Variants in THSD4 observed in about 807,000 individuals in gnomAD.
THSD4 encodes the protein thrombospondin type-1 domain-containing protein 4.
In THSD4, 69 loss-of-function variants were observed where a neutral mutation model predicts 119.0. That is an observed-to-expected ratio of 0.58 (90% CI 0.48 to 0.71). THSD4 has a LOEUF of 0.71. Among genes scored for constraint, THSD4 ranks in the 30% least tolerant of loss-of-function variants. The probability of loss-of-function intolerance (pLI) is 0.00; values close to 1 mark genes in which losing one functional copy is unlikely to be tolerated. For missense variants in THSD4, 1,393 were observed against 1,391.1 expected (o/e 1.00, Z -0.02); for synonymous variants, 524 against 540.4 (o/e 0.97, Z 0.42).
rs71154766 is a variant in THSD4 at position 71,389,465 on chromosome 15, C to CTTT, written c.1016-22210_1016-22208dup. 1.0e-3 allele frequency among the ~76,000 whole-genome samples: 148 copies of CTTT among 143,838 alleles called. 1 individual carries two copies. The highest frequency in any genetic ancestry group is 6.0e-3 in the South Asian group (27 of 4,494). The allele number at this position is 143,838 out of a possible 152,430, so 94.4% of individuals were successfully genotyped here. ...GTTGTAGCACGTGTCAGAATTTCCT[C>CTTT]TTTTTTTTTTTTTTAAGGCTGAATG... is the stretch of plus-strand genomic sequence containing the variant. On this transcript the variant is annotated intron_variant, in intron 6 of 17. Coordinates refer to ENST00000261862, the MANE Select transcript of THSD4 (RefSeq NM_024817.3).
intron 7 of THSD4, among the ~76,000 whole-genome samples, chr15:71,551,661 C>T (rs1209318525): frequency 6.6e-6 from 1 of 151,774 alleles, no homozygotes; most frequent in Non-Finnish European, 1.5e-5. Flanking sequence ...TTTTTTTTCC[C>T]AGGGAAGGCA....
At chr15:71,731,883 C>A (rs189388209) in intron 10 of THSD4, 1 of 152,384 alleles carries the variant, frequency 6.6e-6, no homozygotes, top group Admixed American at 6.5e-5. Context: ...GTCATCAGGG[C>A]CCCTCTCTCT....
intron 3 of THSD4, chr15:71,187,175 G>A (rs1269756322): frequency 1.3e-5 from 2 of 152,634 alleles, no homozygotes; most frequent in Non-Finnish European, 2.9e-5. Context: ...ATTGAATGGC[G>A]GGAGGGTGAT....
At chr15:71,339,318 C>T (rs547449592) in intron 6 of THSD4, among the ~76,000 whole-genome samples, 4 of 152,192 alleles carry the variant, frequency 2.6e-5, no homozygotes, top group Admixed American at 2.6e-4. Context: ...CAGAAATACT[C>T]CTACTCATCC....
At chr15:71,374,116 CA>C (rs773506874) in intron 6 of THSD4, among the ~76,000 whole-genome samples, 3 of 152,156 alleles carry the variant, frequency 2.0e-5, no homozygotes, top group Admixed American at 6.5e-5. Context: ...TGTCCTCTTC[CA>C]AAGTGATGCA....
At chr15:71,411,134 A>G (rs186577218) in intron 6 of THSD4, among the ~76,000 whole-genome samples, 3 of 152,292 alleles carry the variant, frequency 2.0e-5, no homozygotes, top group Admixed American at 2.0e-4. Context: ...CTTTTGCACC[A>G]ACGTAATTAA....
At chr15:71,322,931 A>G (rs1304023461) in intron 6 of THSD4, among the ~76,000 whole-genome samples, 3 of 151,916 alleles carry the variant, frequency 2.0e-5, no homozygotes, top group Non-Finnish European at 1.5e-5. Context: ...ACTCAGTCTC[A>G]ACTAAAACTC....
intron 6 of THSD4, among the ~76,000 whole-genome samples, chr15:71,295,044 G>A (rs1256405342): frequency 6.6e-6 from 1 of 152,070 alleles, no homozygotes; most frequent in Non-Finnish European, 1.5e-5. Flanking sequence ...GCTTGCGTCA[G>A]GGAATGTGAG....
intron 8 of THSD4, among the ~76,000 whole-genome samples, chr15:71,718,919 C>T (rs1049542841): frequency 2.6e-5 from 4 of 152,214 alleles, no homozygotes; most frequent in African/African-American, 9.7e-5. Context: ...TCCATGGACT[C>T]AGCTCCCAAA....
intron 10 of THSD4, among the ~76,000 whole-genome samples, chr15:71,734,824 AT>A (rs1419195104): frequency 1.3e-5 from 2 of 148,682 alleles, no homozygotes; most frequent in African/African-American, 5.0e-5. Flanking sequence ...AAAAAAGCCT[AT>A]TAAAAAAAAA....
chr15:71,230,014 T>C (rs1375574934), intron 4 of THSD4, among the ~76,000 whole-genome samples: 1 of 152,192 alleles, frequency 6.6e-6, no homozygotes, highest in Non-Finnish European at 1.5e-5. Context: ...TGTGTTATAA[T>C]CATTATTGCT....
intron 1 of THSD4, among the ~76,000 whole-genome samples, chr15:71,107,993 C>T (rs796754572): frequency 3.9e-5 from 6 of 152,340 alleles, no homozygotes; most frequent in African/African-American, 1.4e-4. Context: ...CACTCTGCAA[C>T]CTTCCATCTC....
rs1021489585 is a variant in THSD4, at chr15:71,169,842, C to G, written c.99+14910C>G. Among the ~76,000 whole-genome samples the G allele has an allele frequency of 1.2e-4, 18 of 152,246 alleles. 1 individual carries two copies. The highest frequency in any genetic ancestry group is 4.6e-4 in the Admixed American group (7 of 15,286). ...GCAGGGAGGGGTATGCTAGGCAGAACCTGTTAGACATCTTGAGTTAAGGAG... is the reference window on the plus strand; with the variant it reads ...GCAGGGAGGGGTATGCTAGGCAGAAGCTGTTAGACATCTTGAGTTAAGGAG... On this transcript the variant is annotated intron_variant, in intron 3 of 17. Transcript: ENST00000261862.
chr15:71,207,217 C>A (rs1246228436), intron 3 of THSD4, among the ~76,000 whole-genome samples: 2 of 152,140 alleles, frequency 1.3e-5, no homozygotes, highest in Admixed American at 6.5e-5. Context: ...TGATAATTAC[C>A]TCTCCTGTTC....
chr15:71,512,130 C>T (rs923749336), intron 7 of THSD4, among the ~76,000 whole-genome samples: 5 of 152,176 alleles, frequency 3.3e-5, no homozygotes. Context: ...CCAGGCTGAA[C>T]ACATGGCAAA....
At chr15:71,478,594 G>A (rs1285903983) in intron 7 of THSD4, among the ~76,000 whole-genome samples, 1 of 152,216 alleles carries the variant, frequency 6.6e-6, no homozygotes. Flanking sequence ...GAGAGATTTA[G>A]ACCTTGAATG....
chr15:71,251,675 C>A (rs765958962), intron 5 of THSD4, among the ~76,000 whole-genome samples: 6 of 152,188 alleles, frequency 3.9e-5, no homozygotes, highest in African/African-American at 9.7e-5. Context: ...CGCAGGCAGC[C>A]TTCAAGGTCA....
intron 1 of THSD4, among the ~76,000 whole-genome samples, chr15:71,100,587 A>G (rs2040249879): frequency 6.6e-6 from 1 of 152,196 alleles, no homozygotes; most frequent in South Asian, 2.1e-4. Context: ...TGAGATAATA[A>G]ACATATGTTC....
chr15:71,338,320 G>C (rs918048573), intron 6 of THSD4, among the ~76,000 whole-genome samples: 4 of 148,222 alleles, frequency 2.7e-5, no homozygotes, highest in African/African-American at 1.0e-4. Flanking sequence ...AGTAGGACAG[G>C]AAGATCTGAA....
Sources: allele counts gnomAD v4.1 joint callset (sites outside exome capture counted in the v4.1 genomes callset), GRCh38; gene constraint gnomAD v4.1.1; transcripts MANE v1.5; gene names NCBI Gene and HGNC (gene_info 2026-07-23, HGNC 2026-07-21).